Variants in TAF6 observed in about 807,000 individuals in gnomAD.
TAF6 encodes transcription initiation factor TFIID subunit 6.
In TAF6, 50 loss-of-function variants were observed where a neutral mutation model predicts 73.5. That is an observed-to-expected ratio of 0.68 (90% CI 0.54 to 0.86). TAF6 has a LOEUF of 0.86. TAF6 is among the 40% of genes least tolerant of loss of function. The probability of loss-of-function intolerance (pLI) is 0.00; values close to 1 mark genes in which losing one functional copy is unlikely to be tolerated. For missense variants in TAF6, 768 were observed against 899.5 expected (o/e 0.85, Z 1.87); for synonymous variants, 424 against 376.7 (o/e 1.13, Z -1.45).
At position 100,107,226 on chromosome 7, in the gene TAF6, G is replaced by C. The variant is rs4134928; in HGVS notation, c.*20C>G. On this transcript the variant is annotated 3_prime_UTR_variant, in exon 15 of 15. Coordinates refer to ENST00000453269, the MANE Select transcript of TAF6 (RefSeq NM_139315.3). ...TACATGTCTGCATGTGTGGGAATCC[G>C]GGGGCTGGCAGGTGGAGCATCACGG... 4.0e-6 allele frequency: 6 copies of C among 1,518,852 alleles called. No individual in the cohort carries two copies. Among genetic ancestry groups the C allele is most frequent in the Non-Finnish European group, 4.4e-6 (5 of 1,136,360 alleles). 94.1% of individuals were successfully genotyped at this position (1,518,852 alleles called of 1,614,324 possible). A position where few individuals can be genotyped will look rare whatever the true frequency, so the allele number is the denominator to read the frequency against.
intron 5 of TAF6, 149 bp downstream of exon 5, chr7:100,113,200 A>G: frequency 1.2e-6 from 1 of 824,436 alleles, no homozygotes; most frequent in Non-Finnish European, 1.8e-6. Context: ...CAGGAGGCAC[A>G]GGTTTGCAGT....
the TAF6 span, chr7:100,125,018 C>A: frequency 9.3e-7 from 1 of 1,080,936 alleles, no homozygotes; most frequent in Middle Eastern, 2.1e-4. Context: ...TGTTCTCTCC[C>A]ATCTAACCTC....
chr7:100,122,027 G>A (rs1798087938), upstream of TAF6: 1 of 435,890 alleles, frequency 2.3e-6, no homozygotes, highest in Admixed American at 3.8e-5. Context: ...TACAGCCTGG[G>A]CGACAGAGCG....
At chr7:100,115,024 T>C (rs1584565222) in intron 1 of TAF6, among the ~76,000 whole-genome samples, 1 of 152,140 alleles carries the variant, frequency 6.6e-6, no homozygotes, top group South Asian at 2.1e-4. Flanking sequence ...ACACAGCCAA[T>C]TTTTTGCAGG....
At chr7:100,114,546 C>A in intron 1 of TAF6, 2 of 594,504 alleles carry the variant, frequency 3.4e-6, no homozygotes, top group South Asian at 4.1e-5. Flanking sequence ...ATGGAGAAAC[C>A]CCATCTCTAC....
upstream of TAF6, chr7:100,121,110 A>ATTTTTT (rs1798036782): frequency 4.6e-4 from 13 of 28,372 alleles, no homozygotes; most frequent in South Asian, 1.3e-3. Flanking sequence ...ATATATATAT[A>ATTTTTT]TATATATTTT....
At chr7:100,108,174 A>G (rs1224962554) in intron 13 of TAF6, 51 bp from the exon 14 acceptor site, 1 of 1,540,988 alleles carries the variant, frequency 6.5e-7, no homozygotes, top group African/African-American at 1.4e-5. Flanking sequence ...TAAGAAGAGG[A>G]GTCTGAAGGG....
intron 1 of TAF6, among the ~76,000 whole-genome samples, chr7:100,117,267 CTTT>C (rs1181165298): frequency 1.9e-5 from 2 of 105,052 alleles, no homozygotes. Context: ...AGACAGGGCT[CTTT>C]TTTTTTTTTT....
chr7:100,124,459 CG>C, upstream of TAF6: 1 of 1,367,436 alleles, frequency 7.3e-7, no homozygotes, highest in Non-Finnish European at 1.0e-6. Flanking sequence ...AGAAGACAGG[CG>C]GGATCCCAAA....
Position 100,110,309 on chromosome 7 carries a change from G to A in TAF6, c.1084-35C>T, listed in dbSNP as rs372325522. 3.5e-4 allele frequency: 562 copies of A among 1,608,412 alleles called. 1 individual carries two copies. Among genetic ancestry groups the A allele is most frequent in the Non-Finnish European group, 4.5e-4 (534 of 1,174,948 alleles). On this transcript the variant is annotated intron_variant, in intron 10 of 14. Transcript: ENST00000453269. ...GAAGGAAATAAACTAAGATGAAGGG[G>A]TCTGAAAGGATGATTGACAGGGACC...
chr7:100,112,086 G>A lies in TAF6; in HGVS notation c.720+22C>T, dbSNP rs2116786269. ...CCAGGAGGAGGCGTCTCAGGGCCAG[G>A]GCAAGCTGGTGGGGCCCTCACCGCC... On this transcript the variant is annotated intron_variant, in intron 7 of 14. Coordinates refer to ENST00000453269, the MANE Select transcript of TAF6 (RefSeq NM_139315.3). The A allele has an allele frequency of 3.7e-6, 6 of 1,613,640 alleles. No homozygotes were observed. The East Asian group carries it at 1.1e-4, about 30-fold the overall frequency.
chr7:100,123,804 G>A (rs1477514960), upstream of TAF6, among the ~76,000 whole-genome samples: 1 of 152,230 alleles, frequency 6.6e-6, no homozygotes, highest in Non-Finnish European at 1.5e-5. Flanking sequence ...ACAGGCATGA[G>A]CCATTGGGCC....
Position 100,113,722 on chromosome 7 carries a change from G to A in TAF6, c.291C>T (p.Ala97=). Residue 97 remains alanine (A), a synonymous_variant, in exon 4 of 15, where the codon GCC becomes GCT. Transcript: ENST00000453269. ...HAQEFIPFRF[A]SGGGRELYFY... ...AGTAAAGCTCCCGGCCCCCACCAGA[G>A]GCGAAGCGGAAAGGAATGAACTCCT... 1 of 1,614,086 alleles carries A rather than the reference G, an allele frequency of 6.2e-7. No individual in the cohort carries two copies. Among genetic ancestry groups the A allele is most frequent in the East Asian group, 2.2e-5 (1 of 44,878 alleles).
chr7:100,125,766 G>A, the TAF6 span, among the ~76,000 whole-genome samples: 1 of 152,194 alleles, frequency 6.6e-6, no homozygotes, highest in South Asian at 2.1e-4. Context: ...CCTGGAGGCT[G>A]GGCGCAGTGA....
intron 10 of TAF6, among the ~76,000 whole-genome samples, chr7:100,110,524 A>G (rs564400733): frequency 3.3e-5 from 5 of 150,820 alleles, no homozygotes; most frequent in Non-Finnish European, 4.4e-5. Flanking sequence ...AAAATTAGCC[A>G]GTTGTGGCCA....
At chr7:100,123,428 T>C, upstream of TAF6, among the ~76,000 whole-genome samples, 1 of 151,856 alleles carries the variant, frequency 6.6e-6, no homozygotes, top group South Asian at 2.1e-4. Flanking sequence ...TAGCACTTAG[T>C]GAGTCTGAGG....
chr7:100,114,701 C>A, intron 1 of TAF6: 1 of 221,874 alleles, frequency 4.5e-6, no homozygotes, highest in South Asian at 1.2e-4. Context: ...GCCAGGGTGA[C>A]TCCGTCTCAG....
upstream of TAF6, chr7:100,123,013 G>A (rs1798114798): frequency 7.6e-7 from 1 of 1,320,674 alleles, no homozygotes; most frequent in African/African-American, 1.5e-5. Context: ...GCATGGGGAA[G>A]GGGCCAGAGT....
At chr7:100,109,247 C>T (rs1796924300) in intron 12 of TAF6, among the ~76,000 whole-genome samples, 1 of 151,676 alleles carries the variant, frequency 6.6e-6, no homozygotes, top group African/African-American at 2.4e-5. Flanking sequence ...TTGCTTGAAC[C>T]TGAGAGGCAG....
Sources: gnomAD v4.1 joint callset for allele counts (sites outside exome capture counted in the v4.1 genomes callset) on GRCh38, gnomAD v4.1.1 for gene constraint, MANE v1.5 for transcripts, NCBI Gene and HGNC (gene_info 2026-07-23, HGNC 2026-07-21) for gene names.